Variants in FNDC3A observed in about 807,000 individuals in gnomAD.
FNDC3A encodes the protein fibronectin type-III domain-containing protein 3A.
Under a neutral mutation model 148.9 loss-of-function variants are expected in FNDC3A, and 32 were observed. That is an observed-to-expected ratio of 0.21 (90% CI 0.16 to 0.29). FNDC3A has a LOEUF of 0.29. Among genes scored for constraint, FNDC3A ranks in the 10% least tolerant of loss-of-function variants. The pLI is 1.00. For missense variants in FNDC3A, 1,191 were observed against 1,452.8 expected, an observed-to-expected ratio of 0.82 and a Z score of 2.93; for synonymous variants, 472 against 473.6, an observed-to-expected ratio of 1.00 and a Z score of 0.04.
In FNDC3A at chr13:49,110,462, A is replaced by G. The variant is rs148143357; in HGVS notation, c.176-4193A>G. On this transcript the variant is annotated intron_variant, in intron 3 of 25. Coordinates refer to ENST00000492622, the MANE Select transcript of FNDC3A (RefSeq NM_001079673.2). ...TTTATTTTAAGACAGAAAGCATTGT[A>G]TTAATCTAAAGTCATGCCGTGTGTT... 3.4e-4 allele frequency: 396 copies of G among 1,167,980 alleles called. 2 individuals are homozygous for G. The East Asian group carries it at 6.7e-3, about 20-fold the overall frequency. The allele number at this position is 1,167,980 out of a possible 1,614,324, so 72.4% of individuals were successfully genotyped here. A position where few individuals can be genotyped will look rare whatever the true frequency, so the allele number is the denominator to read the frequency against.
At chr13:49,106,954 A>AT (rs755616955) in intron 3 of FNDC3A, among the ~76,000 whole-genome samples, 78 of 152,242 alleles carry the variant, frequency 5.1e-4, no homozygotes, top group Non-Finnish European at 9.6e-4. Context: ...GATATATGTG[A>AT]TTTTTTTGTA....
chr13:49,076,975 T>C (rs941115374), intron 3 of FNDC3A, among the ~76,000 whole-genome samples: 5 of 152,188 alleles, frequency 3.3e-5, no homozygotes, highest in Admixed American at 2.0e-4. Context: ...CTAATAGTTA[T>C]TGCTTTAGTT....
intron 4 of FNDC3A, among the ~76,000 whole-genome samples, chr13:49,129,984 A>T (rs1284489939): frequency 6.6e-6 from 1 of 152,162 alleles, no homozygotes; most frequent in African/African-American, 2.4e-5. Context: ...AGCACTTAAC[A>T]TTATGATCAT....
intron 3 of FNDC3A, among the ~76,000 whole-genome samples, chr13:49,096,949 G>T (rs991739522): frequency 1.3e-5 from 2 of 152,092 alleles, no homozygotes; most frequent in African/African-American, 2.4e-5. Context: ...GGAACAGCAT[G>T]TGCAAAGCCC....
intron 24 of FNDC3A, 60 bp downstream of exon 24, chr13:49,202,026 A>C (rs577392053): frequency 9.0e-7 from 1 of 1,115,530 alleles, no homozygotes; most frequent in African/African-American, 1.6e-5. Context: ...ATGTATTTTC[A>C]TAAATGCTTT....
At chr13:49,009,163 C>T (rs1351542011) in intron 2 of FNDC3A, among the ~76,000 whole-genome samples, 1 of 152,152 alleles carries the variant, frequency 6.6e-6, no homozygotes, top group African/African-American at 2.4e-5. Flanking sequence ...CCTTGGCAAC[C>T]ACTGATCTTT....
chr13:49,172,549 C>G (rs986749769), intron 11 of FNDC3A, among the ~76,000 whole-genome samples: 1 of 152,164 alleles, frequency 6.6e-6, no homozygotes, highest in African/African-American at 2.4e-5. Flanking sequence ...TTGCCTTGAC[C>G]AGCTTCTGTA....
chr13:48,989,652 T>C (rs369190481), intron 1 of FNDC3A, among the ~76,000 whole-genome samples: 2 of 152,190 alleles, frequency 1.3e-5, no homozygotes, highest in East Asian at 3.8e-4. Flanking sequence ...AATGGCTATT[T>C]TCCAAAATAG....
intron 2 of FNDC3A, among the ~76,000 whole-genome samples, chr13:49,026,946 A>G (rs534761224): frequency 1.4e-4 from 22 of 152,286 alleles, no homozygotes; most frequent in African/African-American, 5.3e-4. Context: ...TGGCTTATAT[A>G]TCCACCCCAC....
At chr13:49,177,015 C>A (rs1247920213) in intron 13 of FNDC3A, among the ~76,000 whole-genome samples, 1 of 152,174 alleles carries the variant, frequency 6.6e-6, no homozygotes, top group East Asian at 1.9e-4. Context: ...CTAGGCTGGT[C>A]TCACACTCCT....
At chr13:49,121,987 T>C (rs1360263004) in intron 4 of FNDC3A, among the ~76,000 whole-genome samples, 7 of 152,228 alleles carry the variant, frequency 4.6e-5, no homozygotes, top group Admixed American at 4.6e-4. Context: ...GACTCCTCCC[T>C]AACTCATTTT....
At chr13:49,174,880 C>T (rs143735946) in intron 12 of FNDC3A, among the ~76,000 whole-genome samples, 1,524 of 152,268 alleles carry the variant, frequency 0.01, 19 homozygotes, top group South Asian at 0.045. Context: ...ACTGTAAGAA[C>T]ATCTAAAATA....
At chr13:48,983,461 C>G (rs1411516032) in intron 1 of FNDC3A, among the ~76,000 whole-genome samples, 1 of 152,046 alleles carries the variant, frequency 6.6e-6, no homozygotes, top group East Asian at 1.9e-4. Flanking sequence ...GGCTCAGTTG[C>G]AACTACTTAA....
intron 8 of FNDC3A, among the ~76,000 whole-genome samples, chr13:49,151,423 T>A (rs951603111): frequency 3.9e-5 from 6 of 152,228 alleles, no homozygotes; most frequent in Non-Finnish European, 7.3e-5. Flanking sequence ...TCTGTTTGCA[T>A]GGATTATCGT....
intron 8 of FNDC3A, among the ~76,000 whole-genome samples, chr13:49,162,834 C>T (rs1224081500): frequency 6.6e-6 from 1 of 151,708 alleles, no homozygotes; most frequent in African/African-American, 2.4e-5. Flanking sequence ...GCTATTCCTT[C>T]CTGTTTGTTA....
At chr13:49,098,707 C>A (rs1019666409) in intron 3 of FNDC3A, among the ~76,000 whole-genome samples, 1 of 152,116 alleles carries the variant, frequency 6.6e-6, no homozygotes, top group Non-Finnish European at 1.5e-5. Context: ...ATCACTGATA[C>A]ATCTAATTGT....
chr13:48,975,832 C>T (rs934287045), upstream of FNDC3A: 2 of 151,440 alleles, frequency 1.3e-5, no homozygotes, highest in Non-Finnish European at 2.9e-5. Context: ...GGGCTCGAGG[C>T]GGGGGTTCGG....
intron 3 of FNDC3A, among the ~76,000 whole-genome samples, chr13:49,075,804 C>CT (rs1878058496): frequency 7.4e-6 from 1 of 135,284 alleles, no homozygotes; most frequent in Admixed American, 7.5e-5. Flanking sequence ...ACCACTGCCC[C>CT]CCCCACCCCC....
intron 2 of FNDC3A, among the ~76,000 whole-genome samples, chr13:49,056,336 T>C (rs891686729): frequency 2.6e-5 from 4 of 152,212 alleles, no homozygotes; most frequent in Admixed American, 6.5e-5. Flanking sequence ...GCTGTTCTAA[T>C]TGTTATTTCT....
Sources: gnomAD v4.1 joint callset for allele counts (sites outside exome capture counted in the v4.1 genomes callset) on GRCh38, gnomAD v4.1.1 for gene constraint, MANE v1.5 for transcripts, NCBI Gene and HGNC (gene_info 2026-07-23, HGNC 2026-07-21) for gene names.